Variants in KLHL32 observed in about 807,000 individuals in gnomAD.
KLHL32 encodes kelch like family member 32, also known as kelch-like protein 32.
A neutral mutation model predicts 64.8 loss-of-function variants in KLHL32; 35 were observed. The ratio of observed to expected loss-of-function variants is 0.54; its 90% CI spans 0.41 to 0.72. The LOEUF is 0.72. Among genes scored for constraint, KLHL32 ranks in the 30% least tolerant of loss-of-function variants. The probability of loss-of-function intolerance (pLI) is 0.00; values close to 1 mark genes in which losing one functional copy is unlikely to be tolerated. For synonymous variants in KLHL32, 259 were observed against 281.0 expected (o/e 0.92, Z 0.78); for missense variants, 589 against 768.5 (o/e 0.77, Z 2.76).
At chr6:97,092,155 A>T (rs1562327581) in intron 6 of KLHL32, among the ~76,000 whole-genome samples, 1 of 151,850 alleles carries the variant, frequency 6.6e-6, no homozygotes, top group Admixed American at 6.6e-5. Flanking sequence ...CACCTGGCTA[A>T]TTTTTTTGTA....
At chr6:96,911,824 C>CTTTTTTTTTTTTTTTTTTTTTTTT in the KLHL32 span, among the ~76,000 whole-genome samples, 23 of 54,088 alleles carry the variant, frequency 4.3e-4, 6 homozygotes, top group Non-Finnish European at 6.7e-4. Flanking sequence ...CTCGGTCCTT[C>CTTTTTTTTTTTTTTTTTTTTTTTT]TTTTTTTTTT....
the KLHL32 span, among the ~76,000 whole-genome samples, chr6:96,898,713 CAAAA>C: frequency 4.0e-5 from 6 of 151,168 alleles, no homozygotes; most frequent in African/African-American, 1.5e-4. Flanking sequence ...AACAAACAAA[CAAAA>C]AAACGAGTGT....
In KLHL32 at chr6:97,030,213, A is replaced by G. The variant is rs1336574697; in HGVS notation, c.205-11279A>G. On this transcript the variant is annotated intron_variant, in intron 3 of 10. Coordinates refer to ENST00000369261, the MANE Select transcript of KLHL32 (RefSeq NM_052904.4). ...TTTTACCAGATGCTTTAAAAAGTCTATCATCTGCCATTTTACTTATCTATG... is the reference window on the plus strand; with the variant it reads ...TTTTACCAGATGCTTTAAAAAGTCTGTCATCTGCCATTTTACTTATCTATG... Among the ~76,000 whole-genome samples the G allele has an allele frequency of 4.6e-5, 7 of 152,332 alleles. No homozygotes were observed. The East Asian group carries it at 1.4e-3, about 29-fold the overall frequency.
chr6:96,912,147 A>G, the KLHL32 span, among the ~76,000 whole-genome samples: 1 of 151,994 alleles, frequency 6.6e-6, no homozygotes, highest in Non-Finnish European at 1.5e-5. Flanking sequence ...AGTGGTGGCC[A>G]TCACCTCCTC....
chr6:97,096,343 T>C (rs1794985906), intron 6 of KLHL32, among the ~76,000 whole-genome samples: 1 of 152,212 alleles, frequency 6.6e-6, no homozygotes, highest in South Asian at 2.1e-4. Flanking sequence ...TAAAAGGCTT[T>C]CCTTTGTTTT....
intron 10 of KLHL32, among the ~76,000 whole-genome samples, chr6:97,137,710 A>AT (rs1800194824): frequency 6.6e-6 from 1 of 151,842 alleles, no homozygotes; most frequent in African/African-American, 2.4e-5. Flanking sequence ...AATTTTTTGT[A>AT]TTTTTAGTAG....
chr6:97,065,132 C>G (rs946118), intron 5 of KLHL32, among the ~76,000 whole-genome samples: 16,749 of 152,138 alleles, frequency 0.11, 962 homozygotes, highest in African/African-American at 0.13. Flanking sequence ...GTAACAGTAT[C>G]TAGTAAATCA....
At chr6:97,067,040 G>T (rs946435655) in intron 5 of KLHL32, among the ~76,000 whole-genome samples, 1 of 152,246 alleles carries the variant, frequency 6.6e-6, no homozygotes, top group Middle Eastern at 3.4e-3. Flanking sequence ...TTGTTTTGTT[G>T]TTCTTAAAAT....
chr6:97,139,176 C>A lies in KLHL32; in HGVS notation c.1757C>A (p.Pro586His). 1 of 1,614,084 alleles carries A rather than the reference C, an allele frequency of 6.2e-7. No individual in the cohort carries two copies. The highest frequency in any genetic ancestry group is 1.1e-5 in the South Asian group (1 of 91,086). Residue 586 changes from proline to histidine, a missense_variant, in exon 11 of 11, where the codon CCT becomes CAT. By Grantham distance (77) the Pro-to-His change is moderately conservative. Transcript: ENST00000369261. ...GAAGTATTCTATGGGCCTACACTCC[C>A]TTTTGCTTCCAATGGAATAGCAGCA... ...KEEVFYGPTL[P>H]FASNGIAACF...
intron 4 of KLHL32, among the ~76,000 whole-genome samples, chr6:97,053,244 C>G (rs1787239560): frequency 6.6e-6 from 1 of 152,126 alleles, no homozygotes; most frequent in African/African-American, 2.4e-5. Context: ...AGTAACTAGA[C>G]TGAATAAAAA....
intron 2 of KLHL32, among the ~76,000 whole-genome samples, chr6:96,975,433 T>C (rs1037660497): frequency 6.6e-6 from 1 of 152,208 alleles, no homozygotes; most frequent in Non-Finnish European, 1.5e-5. Flanking sequence ...GCTTCTCTGG[T>C]TTAATTGCCT....
intron 1 of KLHL32, among the ~76,000 whole-genome samples, chr6:96,963,632 A>C (rs901223280): frequency 6.6e-6 from 1 of 152,190 alleles, no homozygotes; most frequent in African/African-American, 2.4e-5. Flanking sequence ...CAATAGAGGC[A>C]AATCCCTTCC....
At chr6:97,092,672 G>A (rs549089326) in intron 6 of KLHL32, among the ~76,000 whole-genome samples, 11 of 152,302 alleles carry the variant, frequency 7.2e-5, no homozygotes, top group Admixed American at 2.0e-4. Context: ...GGTGCTCCTA[G>A]TTGCCAGAGC....
intron 4 of KLHL32, among the ~76,000 whole-genome samples, chr6:97,050,228 A>G (rs929259973): frequency 6.6e-6 from 1 of 152,160 alleles, no homozygotes; most frequent in Non-Finnish European, 1.5e-5. Flanking sequence ...TTATAAATTT[A>G]TGTCTTCATT....
intron 3 of KLHL32, among the ~76,000 whole-genome samples, chr6:96,977,970 ATTC>A (rs1261360543): frequency 2.0e-5 from 3 of 152,202 alleles, no homozygotes; most frequent in Non-Finnish European, 4.4e-5. Context: ...ATTGTCAGGT[ATTC>A]TTCTTTCAGA....
chr6:96,937,289 C>G (rs1162905720), intron 1 of KLHL32, among the ~76,000 whole-genome samples: 1 of 152,164 alleles, frequency 6.6e-6, no homozygotes, highest in East Asian at 1.9e-4. Flanking sequence ...GTACATTTGC[C>G]TGTTCTAGAC....
At chr6:96,933,878 G>C (rs1476666697) in intron 1 of KLHL32, among the ~76,000 whole-genome samples, 2 of 152,156 alleles carry the variant, frequency 1.3e-5, no homozygotes, top group African/African-American at 2.4e-5. Flanking sequence ...TTAGGCTAGG[G>C]GTTGACACAG....
the KLHL32 span, among the ~76,000 whole-genome samples, chr6:96,915,901 G>C: frequency 0.74 from 112,224 of 151,782 alleles, 41,820 homozygotes; most frequent in African/African-American, 0.82. Flanking sequence ...ACATAAATTT[G>C]CCTTTATAAA....
chr6:97,120,710 C>G (rs558218948), intron 7 of KLHL32, among the ~76,000 whole-genome samples: 19 of 152,208 alleles, frequency 1.2e-4, no homozygotes, highest in African/African-American at 4.3e-4. Context: ...CTTGTTGTCC[C>G]TGGAGGCGGC....
Sources: gnomAD v4.1 joint callset for allele counts (sites outside exome capture counted in the v4.1 genomes callset) on GRCh38, gnomAD v4.1.1 for gene constraint, MANE v1.5 for transcripts, NCBI Gene and HGNC (gene_info 2026-07-23, HGNC 2026-07-21) for gene names.